ZNF362: variants seen among roughly 807,000 people sequenced by gnomAD.
The protein encoded by ZNF362 is rotund homolog.
A neutral mutation model predicts 42.9 loss-of-function variants in ZNF362; 11 were observed. The observed-to-expected ratio is 0.26, with a 90% CI of 0.16 to 0.42. ZNF362 has a LOEUF of 0.42. ZNF362 is among the 20% of genes least tolerant of loss of function. ZNF362 has a pLI of 1.00. For missense variants in ZNF362, 362 were observed against 576.2 expected, an observed-to-expected ratio of 0.63 and a Z score of 3.81; for synonymous variants, 255 against 257.3, an observed-to-expected ratio of 0.99 and a Z score of 0.09.
At chr1:33,170,799 C>T in the ZNF362 span, among the ~76,000 whole-genome samples, 2 of 152,322 alleles carry the variant, frequency 1.3e-5, no homozygotes, top group African/African-American at 4.8e-5. Context: ...AGGATGTCAC[C>T]TAACCTCTCT....
the ZNF362 span, among the ~76,000 whole-genome samples, chr1:33,235,677 C>T: frequency 1.3e-5 from 2 of 152,080 alleles, no homozygotes; most frequent in African/African-American, 4.8e-5. Context: ...ATTTATAGCC[C>T]GGAAGCAGGG....
chr1:33,281,486 A>C lies in ZNF362; in HGVS notation c.684-101A>C. The C allele has an allele frequency of 8.8e-7, 1 of 1,142,244 alleles. No individual in the cohort carries two copies. Among genetic ancestry groups the C allele is most frequent in the Non-Finnish European group, 1.3e-6 (1 of 778,882 alleles). 70.8% of individuals were successfully genotyped at this position (1,142,244 alleles called of 1,614,324 possible). A position where few individuals can be genotyped will look rare whatever the true frequency, so the allele number is the denominator to read the frequency against. On this transcript the variant is annotated intron_variant, in intron 5 of 8. Transcript: ENST00000539719. The surrounding 1 kb of genome is among the most constrained non-coding windows in gnomAD (Gnocchi z 4.8). ...TGTGCTTCTTGGGCTCATCACAGGA[A>C]AGACCTGTCCCAGGTGCAAGGTCTC... is the stretch of plus-strand genomic sequence containing the variant.
chr1:33,258,936 G>A lies in ZNF362; in HGVS notation c.-89+2282G>A, dbSNP rs142509057. Among the ~76,000 whole-genome samples, 28 of 152,292 alleles carry A rather than the reference G, an allele frequency of 1.8e-4. 1 individual carries two copies. Among genetic ancestry groups the A allele is most frequent in the African/African-American group, 6.0e-4 (25 of 41,550 alleles). ...TTAAATTCAGGCCTGCAGGCTCCTC[G>A]CCTGGCCTTTTCCCAGGTGGACTTT... is the stretch of plus-strand genomic sequence containing the variant. On this transcript the variant is annotated intron_variant, in intron 1 of 8. Transcript: ENST00000539719.
chr1:33,181,667 G>A, the ZNF362 span: 1 of 649,318 alleles, frequency 1.5e-6, no homozygotes. The surrounding 1 kb of genome is among the most constrained non-coding windows in gnomAD (Gnocchi z 6.5). Context: ...GAGGTAGTGG[G>A]CAGCTCAAGG....
At chr1:33,245,223 T>A in the ZNF362 span, among the ~76,000 whole-genome samples, 1 of 152,140 alleles carries the variant, frequency 6.6e-6, no homozygotes, top group Non-Finnish European at 1.5e-5. Context: ...TCAACCACCA[T>A]TTAGATGGTA....
chr1:33,248,698 G>A, the ZNF362 span, among the ~76,000 whole-genome samples: 1 of 152,070 alleles, frequency 6.6e-6, no homozygotes, highest in East Asian at 1.9e-4. Context: ...TTTCCTCTCT[G>A]CCCAGTGCCA....
the ZNF362 span, among the ~76,000 whole-genome samples, chr1:33,233,426 CAG>C: frequency 6.8e-6 from 1 of 147,344 alleles, no homozygotes; most frequent in South Asian, 2.1e-4. Flanking sequence ...TTTTTTGAAA[CAG>C]AGTCTCGCTC....
chr1:33,187,129 G>A, the ZNF362 span, among the ~76,000 whole-genome samples: 109 of 152,314 alleles, frequency 7.2e-4, 1 homozygote, highest in African/African-American at 2.5e-3. Context: ...CCCAAAGGGT[G>A]AGGGAGCTGG....
In ZNF362 at chr1:33,281,443, G is replaced by C; in HGVS notation, c.684-144G>C. On this transcript the variant is annotated intron_variant, in intron 5 of 8. Transcript: ENST00000539719. This position sits in a 1 kb window ranked among gnomAD's most constrained non-coding sequence, Gnocchi z 4.8. The stretch of plus-strand genomic sequence containing the variant: ...TGCCCAGGCTGGGAGACTGTCCCCT[G>C]TCTTTCCCAGGTGGTCCTGTGCTTC... 1.3e-6 allele frequency: 1 copy of C among 745,968 alleles called. No individual in the cohort carries two copies. The highest frequency in any genetic ancestry group is 1.8e-5 in the South Asian group (1 of 57,134). 46.2% of individuals were successfully genotyped at this position (745,968 alleles called of 1,614,324 possible).
intron 6 of ZNF362, among the ~76,000 whole-genome samples, chr1:33,286,030 T>G (rs577969341): frequency 6.6e-6 from 1 of 152,000 alleles, no homozygotes; most frequent in Admixed American, 6.6e-5. Flanking sequence ...ACCACTGCAC[T>G]CCAGCCTGGG....
chr1:33,228,405 C>T, the ZNF362 span, among the ~76,000 whole-genome samples: 1 of 152,176 alleles, frequency 6.6e-6, no homozygotes, highest in South Asian at 2.1e-4. Flanking sequence ...TTCCTCTGAA[C>T]TTCTTTCCAG....
At chr1:33,264,310 C>T (rs1645849442) in intron 1 of ZNF362, among the ~76,000 whole-genome samples, 1 of 152,162 alleles carries the variant, frequency 6.6e-6, no homozygotes, top group Non-Finnish European at 1.5e-5. Flanking sequence ...CCCCCCACCC[C>T]CTAGATGGCA....
the ZNF362 span, among the ~76,000 whole-genome samples, chr1:33,149,597 G>A: frequency 6.6e-6 from 1 of 151,908 alleles, no homozygotes. Context: ...TGAGACTATA[G>A]GCATGCATCA....
At chr1:33,217,901 A>G in the ZNF362 span, among the ~76,000 whole-genome samples, 1 of 152,140 alleles carries the variant, frequency 6.6e-6, no homozygotes, top group African/African-American at 2.4e-5. Flanking sequence ...TAAAAAATAT[A>G]TTTATCTTAT....
intron 1 of ZNF362, among the ~76,000 whole-genome samples, chr1:33,262,058 A>G (rs1483648848): frequency 6.6e-6 from 1 of 151,976 alleles, no homozygotes; most frequent in African/African-American, 2.4e-5. Flanking sequence ...GGTGATGGGG[A>G]TGGCTTTCTA....
the ZNF362 span, among the ~76,000 whole-genome samples, chr1:33,156,462 C>T: frequency 6.6e-6 from 1 of 152,202 alleles, no homozygotes; most frequent in Non-Finnish European, 1.5e-5. Context: ...CTGTTAGCCA[C>T]TCTCTCCTGG....
the ZNF362 span, among the ~76,000 whole-genome samples, chr1:33,162,236 C>T: frequency 1.3e-5 from 2 of 152,146 alleles, no homozygotes; most frequent in Non-Finnish European, 2.9e-5. Flanking sequence ...CATTCAAGGA[C>T]CTTCTCAATT....
At chr1:33,189,669 A>ACG in the ZNF362 span, among the ~76,000 whole-genome samples, 10 of 33,214 alleles carry the variant, frequency 3.0e-4, no homozygotes, top group East Asian at 9.7e-3. Context: ...ATATATATAT[A>ACG]TATGTATATA....
chr1:33,187,348 C>G, the ZNF362 span, among the ~76,000 whole-genome samples: 1 of 152,226 alleles, frequency 6.6e-6, no homozygotes, highest in African/African-American at 2.4e-5. Flanking sequence ...GTATGTGTCA[C>G]AGTTCACCCT....
Sources: gnomAD v4.1 joint callset for allele counts (sites outside exome capture counted in the v4.1 genomes callset) on GRCh38, gnomAD v4.1.1 for gene constraint, Gnocchi (gnomAD v3.1) non-coding constraint, MANE v1.5 for transcripts, NCBI Gene and HGNC (gene_info 2026-07-23, HGNC 2026-07-21) for gene names.